MAGI1: variants seen among roughly 807,000 people sequenced by gnomAD.
MAGI1 encodes membrane associated guanylate kinase, WW and PDZ domain containing 1.
In MAGI1, 58 loss-of-function variants were observed where a neutral mutation model predicts 139.9. The ratio of observed to expected loss-of-function variants is 0.41; its 90% confidence interval spans 0.34 to 0.52. The LOEUF (loss-of-function observed/expected upper bound fraction) is 0.52. MAGI1 is among the 20% of genes least tolerant of loss of function. The probability of loss-of-function intolerance (pLI) is 0.12; values close to 1 mark genes in which losing one functional copy is unlikely to be tolerated. For missense variants in MAGI1, 1,874 were observed against 1,901.6 expected, an observed-to-expected ratio of 0.99 and a Z score of 0.27; for synonymous variants, 812 against 737.9, an observed-to-expected ratio of 1.10 and a Z score of -1.63.
At chr3:65,476,956 A>C (rs561093564) in intron 4 of MAGI1, among the ~76,000 whole-genome samples, 1 of 152,290 alleles carries the variant, frequency 6.6e-6, no homozygotes, top group Non-Finnish European at 1.5e-5. Flanking sequence ...CACTGGCCTA[A>C]CCCATTCTAA....
chr3:65,497,471 A>C (rs1952539406), intron 2 of MAGI1, among the ~76,000 whole-genome samples: 2 of 152,184 alleles, frequency 1.3e-5, no homozygotes, highest in African/African-American at 4.8e-5. Context: ...GTGCAAGAAT[A>C]GAATCTCTTT....
chr3:66,037,897 T>C, intron 1 of MAGI1, 99 bp downstream of exon 1: 4 of 1,504,628 alleles, frequency 2.7e-6, no homozygotes, highest in Non-Finnish European at 3.6e-6. Context: ...TTCTCTTCAC[T>C]GCGCTCCGAG....
chr3:65,512,543 A>C (rs527345969), intron 2 of MAGI1, among the ~76,000 whole-genome samples: 14 of 149,888 alleles, frequency 9.3e-5, no homozygotes, highest in South Asian at 2.1e-4. Flanking sequence ...CGCAAATAAA[A>C]TAGAAAATCT....
chr3:65,805,496 C>T (rs1408150209), intron 1 of MAGI1, among the ~76,000 whole-genome samples: 1 of 152,138 alleles, frequency 6.6e-6, no homozygotes, highest in Non-Finnish European at 1.5e-5. Context: ...GGTGGGAACA[C>T]AAATTAGTTC....
chr3:65,836,558 C>T (rs542483237), intron 1 of MAGI1, among the ~76,000 whole-genome samples: 1 of 152,180 alleles, frequency 6.6e-6, no homozygotes, highest in Non-Finnish European at 1.5e-5. Flanking sequence ...CGGTGGCTCA[C>T]GCCTGTAATC....
chr3:65,446,735 C>A (rs1390676330), intron 7 of MAGI1, among the ~76,000 whole-genome samples: 1 of 152,114 alleles, frequency 6.6e-6, no homozygotes, highest in South Asian at 2.1e-4. Context: ...TTGACAAATT[C>A]TTTTTTTGAT....
chr3:65,787,194 A>T (rs2039454668), intron 1 of MAGI1, among the ~76,000 whole-genome samples: 1 of 152,152 alleles, frequency 6.6e-6, no homozygotes, highest in African/African-American at 2.4e-5. Flanking sequence ...TTAGGCATGG[A>T]AAGGCAATCT....
Position 65,808,694 on chromosome 3 carries a change from C to G in MAGI1, c.314-186606G>C, listed in dbSNP as rs140992479. Among the ~76,000 whole-genome samples the G allele has an allele frequency of 4.8e-3, 734 of 152,222 alleles. 9 individuals carry two copies. The highest frequency in any genetic ancestry group is 0.017 in the African/African-American group (707 of 41,526). ...CTGCATGATGAGACCTTCACGACAC[C>G]AACAGAACTCCAACATCATTCTCCA... On this transcript the variant is annotated intron_variant, in intron 1 of 22. Transcript: ENST00000402939.
At chr3:65,737,343 G>A (rs566554262) in intron 1 of MAGI1, among the ~76,000 whole-genome samples, 1 of 152,316 alleles carries the variant, frequency 6.6e-6, no homozygotes, top group East Asian at 1.9e-4. Context: ...ATGGACAGAT[G>A]GACGGACGGG....
At chr3:65,724,111 A>G (rs1188947411) in intron 1 of MAGI1, among the ~76,000 whole-genome samples, 2 of 152,262 alleles carry the variant, frequency 1.3e-5, no homozygotes, top group Non-Finnish European at 1.5e-5. Context: ...AAAAAAGGCA[A>G]CACATGTCCT....
At chr3:65,509,668 C>G (rs1329589024) in intron 2 of MAGI1, among the ~76,000 whole-genome samples, 1 of 152,134 alleles carries the variant, frequency 6.6e-6, no homozygotes, top group Non-Finnish European at 1.5e-5. Flanking sequence ...CACGGAATCT[C>G]GCTGATTGCT....
At chr3:65,386,428 G>A (rs1943457721) in intron 14 of MAGI1, among the ~76,000 whole-genome samples, 1 of 152,124 alleles carries the variant, frequency 6.6e-6, no homozygotes. Context: ...AGAAAGTCTT[G>A]CTACTTTAAT....
In MAGI1 at chr3:65,364,966, A is replaced by G. The variant is rs1941268496; in HGVS notation, c.3197-20T>C. Reference sequence around the variant, plus strand: ...AGGACTCTGCAAAGAGGGACAGAGCATAAAGAAATGAAGACCCCAGAGAAG... The same window carrying G: ...AGGACTCTGCAAAGAGGGACAGAGCGTAAAGAAATGAAGACCCCAGAGAAG... On this transcript the variant is annotated intron_variant, in intron 18 of 22. Transcript: ENST00000402939. 7.5e-6 allele frequency: 12 copies of G among 1,606,254 alleles called. No individual in the cohort carries two copies. Among genetic ancestry groups the G allele is most frequent in the Non-Finnish European group, 8.5e-6 (10 of 1,172,920 alleles).
At chr3:65,566,409 A>C (rs1369036286) in intron 2 of MAGI1, among the ~76,000 whole-genome samples, 1 of 151,900 alleles carries the variant, frequency 6.6e-6, no homozygotes, top group African/African-American at 2.4e-5. Context: ...ATTCAGGGTG[A>C]TTTTTATGTC....
intron 1 of MAGI1, among the ~76,000 whole-genome samples, chr3:65,700,444 C>T (rs916036173): frequency 6.7e-6 from 1 of 150,272 alleles, no homozygotes; most frequent in African/African-American, 2.5e-5. Context: ...AGCGAGACTC[C>T]ATCTCAAAAT....
At chr3:65,414,474 G>A in intron 12 of MAGI1, among the ~76,000 whole-genome samples, 1 of 152,184 alleles carries the variant, frequency 6.6e-6, no homozygotes, top group East Asian at 1.9e-4. Flanking sequence ...CAAAGAAAGA[G>A]GGGAGCTCCC....
At chr3:65,878,924 C>T (rs2060222589) in intron 1 of MAGI1, among the ~76,000 whole-genome samples, 1 of 152,102 alleles carries the variant, frequency 6.6e-6, no homozygotes, top group African/African-American at 2.4e-5. Flanking sequence ...CAGTTTCCTT[C>T]TCCAAGGCCT....
intron 2 of MAGI1, among the ~76,000 whole-genome samples, chr3:65,551,404 G>A (rs979664958): frequency 2.0e-5 from 3 of 152,184 alleles, no homozygotes; most frequent in Non-Finnish European, 4.4e-5. Context: ...TGGTTCAAGC[G>A]ATTCTCACGC....
At chr3:66,003,422 A>T (rs61146550) in intron 1 of MAGI1, among the ~76,000 whole-genome samples, 1 of 151,674 alleles carries the variant, frequency 6.6e-6, no homozygotes, top group Non-Finnish European at 1.5e-5. Context: ...TTGGGAGGCC[A>T]AGGTGGGTGG....
Sources: gnomAD v4.1 joint callset for allele counts (sites outside exome capture counted in the v4.1 genomes callset) on GRCh38, gnomAD v4.1.1 for gene constraint, MANE v1.5 for transcripts, NCBI Gene and HGNC (gene_info 2026-07-23, HGNC 2026-07-21) for gene names.